The following LINGO2 variants were observed in gnomAD, a reference collection of about 807,000 sequenced individuals.
The protein encoded by LINGO2 is leucine-rich repeat and immunoglobulin-like domain-containing nogo receptor-interacting protein 2.
A neutral mutation model predicts 30.6 loss-of-function variants in LINGO2; 14 were observed. The observed-to-expected ratio is 0.46, with a 90% CI of 0.30 to 0.72. LINGO2 has a LOEUF of 0.72. LINGO2 is among the 30% of genes least tolerant of loss of function. LINGO2 has a pLI of 0.07. For missense variants in LINGO2, 729 were observed against 751.7 expected (o/e 0.97, Z 0.35); for synonymous variants, 317 against 288.5 (o/e 1.10, Z -1.00).
intron 1 of LINGO2, among the ~76,000 whole-genome samples, chr9:28,630,622 G>A (rs1826891593): frequency 6.6e-6 from 1 of 152,052 alleles, no homozygotes; most frequent in South Asian, 2.1e-4. Flanking sequence ...CATACAGGGA[G>A]GCTTCTAATG....
chr9:28,373,097 T>C (rs1247602446), intron 2 of LINGO2, among the ~76,000 whole-genome samples: 1 of 152,166 alleles, frequency 6.6e-6, no homozygotes, highest in East Asian at 1.9e-4. Flanking sequence ...AATTTGCTTT[T>C]TAAAATTTCT....
In LINGO2 at chr9:28,654,571, C is replaced by G. The variant is rs191412134; in HGVS notation, c.-365+15629G>C. Among the ~76,000 whole-genome samples, 3 of 152,082 alleles carry G rather than the reference C, an allele frequency of 2.0e-5. 1 individual carries two copies. Among genetic ancestry groups the G allele is most frequent in the Admixed American group, 2.0e-4 (3 of 15,254 alleles). ...TTTCTTTAAGTTTCAGTTTATTCAT[C>G]TTGTGAAGAAAGTAAATGATTTTTA... On this transcript the variant is annotated intron_variant, in intron 1 of 5. Transcript: ENST00000379992.
chr9:28,668,504 C>A (rs182265690), intron 1 of LINGO2, among the ~76,000 whole-genome samples: 2 of 151,634 alleles, frequency 1.3e-5, no homozygotes, highest in Admixed American at 6.6e-5. Flanking sequence ...TAAATAACTT[C>A]TAATAATTTC....
chr9:28,852,465 C>T, the LINGO2 span, among the ~76,000 whole-genome samples: 9 of 133,108 alleles, frequency 6.8e-5, no homozygotes, highest in African/African-American at 2.2e-4. Context: ...TTTTATGGTT[C>T]AGTTAAGAGT....
chr9:28,143,131 T>G (rs547884247), intron 4 of LINGO2, among the ~76,000 whole-genome samples: 1 of 152,302 alleles, frequency 6.6e-6, no homozygotes, highest in African/African-American at 2.4e-5. Flanking sequence ...TAGTCCTACT[T>G]AGGAATCACC....
chr9:29,082,578 A>T, the LINGO2 span, among the ~76,000 whole-genome samples: 1 of 152,150 alleles, frequency 6.6e-6, no homozygotes, highest in Non-Finnish European at 1.5e-5. Context: ...AAAATTGAAA[A>T]ATGGGATCTA....
At chr9:28,209,882 G>C (rs112625625) in intron 4 of LINGO2, among the ~76,000 whole-genome samples, 111 of 151,336 alleles carry the variant, frequency 7.3e-4, no homozygotes, top group Admixed American at 1.9e-3. Context: ...ATCCTCCCAG[G>C]CTTATAATCA....
chr9:28,260,390 C>A (rs895294806), intron 4 of LINGO2, among the ~76,000 whole-genome samples: 7 of 151,794 alleles, frequency 4.6e-5, no homozygotes, highest in Admixed American at 1.3e-4. Context: ...TCGTAATGGT[C>A]GCTTTGACTT....
chr9:29,168,455 G>C, the LINGO2 span, among the ~76,000 whole-genome samples: 129 of 152,196 alleles, frequency 8.5e-4, no homozygotes, highest in African/African-American at 2.8e-3. Context: ...CACTTGCCTA[G>C]GATTGTTCTG....
rs117660411 is a variant in LINGO2, at chr9:28,264,270, A to C, written c.-87+30938T>G. Reference sequence around the variant, plus strand: ...AACTGCCAAATAGTGACAATGGTTTAAATGGTAAAACCATAAATAACGTAG... The same window carrying C: ...AACTGCCAAATAGTGACAATGGTTTCAATGGTAAAACCATAAATAACGTAG... On this transcript the variant is annotated intron_variant, in intron 4 of 5. Transcript: ENST00000379992. 5.9e-3 allele frequency among the ~76,000 whole-genome samples: 893 copies of C among 152,110 alleles called. 20 individuals are homozygous for C. In the East Asian group the frequency reaches 0.08, roughly 14 times the overall value.
the LINGO2 span, among the ~76,000 whole-genome samples, chr9:28,807,769 C>G: frequency 6.6e-6 from 1 of 152,068 alleles, no homozygotes; most frequent in Admixed American, 6.6e-5. Flanking sequence ...AAATGATAGG[C>G]TTTTTGCATA....
At chr9:28,895,278 C>A in the LINGO2 span, among the ~76,000 whole-genome samples, 1 of 152,054 alleles carries the variant, frequency 6.6e-6, no homozygotes, top group Non-Finnish European at 1.5e-5. Flanking sequence ...AGAAACTAAT[C>A]ATAAAAACAA....
At chr9:28,344,370 T>C (rs1031029569) in intron 3 of LINGO2, among the ~76,000 whole-genome samples, 3 of 152,068 alleles carry the variant, frequency 2.0e-5, no homozygotes, top group African/African-American at 7.2e-5. Context: ...CTAAAATATA[T>C]GGTTATGTTA....
intron 4 of LINGO2, among the ~76,000 whole-genome samples, chr9:28,077,039 C>A (rs911028873): frequency 6.6e-6 from 1 of 152,044 alleles, no homozygotes; most frequent in African/African-American, 2.4e-5. Context: ...AACATTTTGA[C>A]GTGACTTAAT....
chr9:28,527,033 C>T (rs1345162286), intron 1 of LINGO2, among the ~76,000 whole-genome samples: 1 of 152,118 alleles, frequency 6.6e-6, no homozygotes, highest in Non-Finnish European at 1.5e-5. Context: ...CTCTAAATCA[C>T]TCTGGAAGAC....
the LINGO2 span, among the ~76,000 whole-genome samples, chr9:28,924,752 C>T: frequency 6.6e-6 from 1 of 152,202 alleles, no homozygotes; most frequent in Admixed American, 6.5e-5. Flanking sequence ...ATTAGAGCAA[C>T]ACTGTGTAAT....
the LINGO2 span, among the ~76,000 whole-genome samples, chr9:28,762,153 G>A: frequency 6.6e-6 from 1 of 151,706 alleles, no homozygotes; most frequent in Non-Finnish European, 1.5e-5. Context: ...TCCTAAACTG[G>A]GGTAGACTAA....
chr9:28,921,018 T>G, the LINGO2 span, among the ~76,000 whole-genome samples: 1 of 152,084 alleles, frequency 6.6e-6, no homozygotes, highest in Non-Finnish European at 1.5e-5. Flanking sequence ...CTGAAAAACA[T>G]GTAAGCAATG....
At chr9:28,996,932 T>C in the LINGO2 span, among the ~76,000 whole-genome samples, 3 of 152,242 alleles carry the variant, frequency 2.0e-5, no homozygotes, top group Admixed American at 6.5e-5. Context: ...TTAGGGACAT[T>C]GTATGTGTGT....
Sources: allele counts gnomAD v4.1 joint callset (sites outside exome capture counted in the v4.1 genomes callset), GRCh38; gene constraint gnomAD v4.1.1; transcripts MANE v1.5; gene names NCBI Gene and HGNC (gene_info 2026-07-23, HGNC 2026-07-21).